ZNF483: variants seen among roughly 807,000 people sequenced by gnomAD.
ZNF483 encodes the protein zinc finger protein 483.
In ZNF483, 9 loss-of-function variants were observed where a neutral mutation model predicts 28.6. The observed-to-expected ratio is 0.32, with a 90% CI of 0.19 to 0.55. The LOEUF (loss-of-function observed/expected upper bound fraction) is 0.55. Ranked by LOEUF, ZNF483 falls within the 20% of genes least tolerant of loss-of-function variation. ZNF483 has a pLI of 0.93. For synonymous variants in ZNF483, 322 were observed against 306.2 expected, an observed-to-expected ratio of 1.05 and a Z score of -0.54; for missense variants, 675 against 871.7, an observed-to-expected ratio of 0.77 and a Z score of 2.84.
intron 1 of ZNF483, among the ~76,000 whole-genome samples, chr9:111,525,999 T>G (rs1827177069): frequency 6.6e-6 from 1 of 152,136 alleles, no homozygotes; most frequent in African/African-American, 2.4e-5. Context: ...CTTTCAGGCC[T>G]GTCCACGCCT....
Position 111,542,074 on chromosome 9 carries a change from G to A in ZNF483, c.1139G>A (p.Arg380His), listed in dbSNP as rs751933932. ...HSSALTEHQK[R>H]QKIHLGDRSQ... ...TCAGCTCTTACTGAACATCAGAAAC[G>A]TCAGAAGATTCATTTGGGGGATAGG... The change falls in exon 6 of 6, where the codon CGT becomes CAT. Residue 380 changes from arginine to histidine, a missense_variant. Around this residue, in one of 6 missense-constraint regions of ZNF483, gnomAD observed 525 missense variants for 581.8 expected, o/e 0.90. Transcript: ENST00000309235. This position sits in a 1 kb window ranked among gnomAD's most constrained non-coding sequence, Gnocchi z 6.2. 6.1e-5 allele frequency: 99 copies of A among 1,613,952 alleles called. No homozygotes were observed. Among genetic ancestry groups the A allele is most frequent in the Non-Finnish European group, 7.5e-5 (88 of 1,180,016 alleles).
intron 5 of ZNF483, among the ~76,000 whole-genome samples, chr9:111,571,644 A>AT (rs1828826185): frequency 6.8e-6 from 1 of 146,568 alleles, no homozygotes; most frequent in South Asian, 2.2e-4. Context: ...CACCTGGCTA[A>AT]TTTTTTTTAG....
downstream of ZNF483, among the ~76,000 whole-genome samples, chr9:111,558,037 C>T (rs185570914): frequency 2.0e-5 from 3 of 152,194 alleles, no homozygotes; most frequent in Non-Finnish European, 4.4e-5. Context: ...GTCCCAGCTA[C>T]TCAGGAGGCT....
At chr9:111,559,549 C>A (rs1828215109), downstream of ZNF483, among the ~76,000 whole-genome samples, 1 of 152,080 alleles carries the variant, frequency 6.6e-6, no homozygotes, top group African/African-American at 2.4e-5. Flanking sequence ...CCACAACACA[C>A]TGCCCAACCC....
At position 111,541,668 on chromosome 9, in the gene ZNF483, T is replaced by C. The variant is rs1827672706; in HGVS notation, c.733T>C (p.Leu245=). The change falls in exon 6 of 6, where the codon TTA becomes CTA. Residue 245 remains leucine, a synonymous_variant. Transcript: ENST00000309235. ...SKSSRLDESA[L]DKIIERCLRD... ...CTTATATCTTTTAGATGAATCAGCT[T>C]TAGATAAAATAATAGAAAGGTGCCT... is the stretch of plus-strand genomic sequence containing the variant. The C allele has an allele frequency of 6.3e-7, 1 of 1,598,816 alleles. No individual in the cohort carries two copies. Among genetic ancestry groups the C allele is most frequent in the Admixed American group, 1.8e-5 (1 of 55,474 alleles).
Position 111,542,313 on chromosome 9 carries a change from A to G in ZNF483, c.1378A>G (p.Ile460Val). 6.2e-7 allele frequency: 1 copy of G among 1,614,220 alleles called. No individual in the cohort carries two copies. Among genetic ancestry groups the G allele is most frequent in the Non-Finnish European group, 8.5e-7 (1 of 1,180,044 alleles). The change falls in exon 6 of 6, where the codon ATT becomes GTT. Residue 460 changes from isoleucine to valine, a missense_variant. Around this residue, in one of 6 missense-constraint regions of ZNF483, gnomAD observed 525 missense variants for 581.8 expected, o/e 0.90. Transcript: ENST00000309235. This position sits in a 1 kb window ranked among gnomAD's most constrained non-coding sequence, Gnocchi z 6.2. ...CGCCTCACTCACCAAACATCGGAGA[A>G]TTCACACTGGAGAAAAACCCTATAT... is the stretch of plus-strand genomic sequence containing the variant. ...YSASLTKHRR[I>V]HTGEKPYMCN... is the part of the protein sequence containing the mutation.
In ZNF483 at chr9:111,540,323, T is replaced by C. The variant is rs183969880; in HGVS notation, c.722-1334T>C. On this transcript the variant is annotated intron_variant, in intron 5 of 5. Coordinates refer to ENST00000309235, the MANE Select transcript of ZNF483 (RefSeq NM_133464.5). ...GCCATTAGTTAACTTCTAGGTAATA[T>C]GATTTTGAGTAATTTTGTATTTTAT... 2.0e-3 allele frequency among the ~76,000 whole-genome samples: 297 copies of C among 152,276 alleles called. 3 individuals carry two copies. The highest frequency in any genetic ancestry group is 5.0e-3 in the East Asian group (26 of 5,186).
chr9:111,550,180 TC>T lies in ZNF483; in HGVS notation c.*7013del, dbSNP rs1471126921. Among the ~76,000 whole-genome samples the T allele has an allele frequency of 6.6e-6, 1 of 152,218 alleles. No homozygotes were observed. The highest frequency in any genetic ancestry group is 2.4e-5 in the African/African-American group (1 of 41,462). Reference sequence around the variant, plus strand: ...CAATTCTTTACAGAGCCTGCGTTTTTCCCTGGGCGGGAGCAATGGCTTTCTG... The same window carrying T: ...CAATTCTTTACAGAGCCTGCGTTTTTCCTGGGCGGGAGCAATGGCTTTCTG... On this transcript the variant is annotated 3_prime_UTR_variant, in exon 6 of 6. Transcript: ENST00000309235.
chr9:111,557,086 G>A (rs186122580), downstream of ZNF483, among the ~76,000 whole-genome samples: 4 of 152,314 alleles, frequency 2.6e-5, no homozygotes, highest in Admixed American at 2.6e-4. Context: ...TTTCCCCATT[G>A]TCTTGGCTAT....
chr9:111,572,149 A>G (rs939063378), intron 5 of ZNF483, among the ~76,000 whole-genome samples: 2 of 152,236 alleles, frequency 1.3e-5, no homozygotes, highest in Non-Finnish European at 2.9e-5. Context: ...GATTACTTTG[A>G]GGAAAGTAAC....
chr9:111,544,781 A>G lies in ZNF483; in HGVS notation c.*1611A>G, dbSNP rs1827766883. Among the ~76,000 whole-genome samples the G allele has an allele frequency of 6.6e-6, 1 of 152,176 alleles. No homozygotes were observed. Among genetic ancestry groups the G allele is most frequent in the Non-Finnish European group, 1.5e-5 (1 of 68,026 alleles). ...TGGTGGATTATTCCTTATAAATTTCATTGGTGGAGTCTGAATAATAATTTC... is the reference window on the plus strand; with the variant it reads ...TGGTGGATTATTCCTTATAAATTTCGTTGGTGGAGTCTGAATAATAATTTC... On this transcript the variant is annotated 3_prime_UTR_variant, in exon 6 of 6. Transcript: ENST00000309235.
intron 5 of ZNF483, among the ~76,000 whole-genome samples, chr9:111,566,200 G>T (rs1828554826): frequency 6.6e-6 from 1 of 151,164 alleles, no homozygotes; most frequent in Non-Finnish European, 1.5e-5. Flanking sequence ...GAGCCTCCAT[G>T]TCAAAAATAA....
At chr9:111,569,543 T>A (rs1251018100) in intron 5 of ZNF483, among the ~76,000 whole-genome samples, 2 of 152,130 alleles carry the variant, frequency 1.3e-5, no homozygotes, top group Non-Finnish European at 2.9e-5. Flanking sequence ...TTTGGGAGAC[T>A]GAGGCGGGCG....
intron 2 of ZNF483, among the ~76,000 whole-genome samples, chr9:111,529,076 G>A (rs972395792): frequency 3.3e-5 from 5 of 151,744 alleles, no homozygotes; most frequent in Admixed American, 6.6e-5. Flanking sequence ...CCGGGGAGGT[G>A]GAGTGAGCCA....
intron 3 of ZNF483, 69 bp downstream of exon 3, chr9:111,531,032 G>T (rs1222835135): frequency 1.5e-5 from 11 of 730,614 alleles, no homozygotes; most frequent in Non-Finnish European, 2.1e-5. Flanking sequence ...GTGGTATAAA[G>T]ATATAAAAAT....
At position 111,552,966 on chromosome 9, in the gene ZNF483, G is replaced by A. The variant is rs1828014018; in HGVS notation, c.*9796G>A. On this transcript the variant is annotated 3_prime_UTR_variant, in exon 6 of 6. Transcript: ENST00000309235. The stretch of plus-strand genomic sequence containing the variant: ...TAATTTCTTCATCTCTCCATCTAAG[G>A]TTCTTTGTAGATGCATGTGTAAGAA... Among the ~76,000 whole-genome samples the A allele has an allele frequency of 6.6e-6, 1 of 152,018 alleles. No homozygotes were observed. The highest frequency in any genetic ancestry group is 2.4e-5 in the African/African-American group (1 of 41,398).
rs746739080 is a variant in ZNF483, at chr9:111,527,347, G to A, written c.-49G>A. 4 of 1,584,228 alleles carry A rather than the reference G, an allele frequency of 2.5e-6. No homozygotes were observed. The South Asian group carries it at 4.6e-5, about 18-fold the overall frequency. The stretch of plus-strand genomic sequence containing the variant: ...ATAGTGCCTGTTGGTGGACTGTACT[G>A]ATACTCAACTAGAGTGTGAAGGGAC... On this transcript the variant is annotated 5_prime_UTR_variant, in exon 2 of 6. Transcript: ENST00000309235.
At position 111,551,129 on chromosome 9, in the gene ZNF483, A is replaced by T. The variant is rs1399381159; in HGVS notation, c.*7959A>T. Among the ~76,000 whole-genome samples the T allele has an allele frequency of 3.9e-5, 6 of 152,308 alleles. 1 individual carries two copies. Among genetic ancestry groups the T allele is most frequent in the Admixed American group, 2.6e-4 (4 of 15,294 alleles). On this transcript the variant is annotated 3_prime_UTR_variant, in exon 6 of 6. Transcript: ENST00000309235. ...ATAAAACAGGTAAAATTAAAAATGT[A>T]TTTTACTTCACCCAATATATCCATA...
intron 5 of ZNF483, chr9:111,574,406 G>A (rs555480020): frequency 8.4e-4 from 135 of 161,524 alleles, no homozygotes; most frequent in South Asian, 6.7e-3. Context: ...CTGGAGTGCA[G>A]TGGCAGGAAC....
Sources: gnomAD v4.1 joint callset for allele counts (sites outside exome capture counted in the v4.1 genomes callset) on GRCh38, gnomAD v4.1.1 for gene constraint, gnomAD v4.1.1 regional missense constraint, Gnocchi (gnomAD v3.1) non-coding constraint, MANE v1.5 for transcripts, NCBI Gene and HGNC (gene_info 2026-07-23, HGNC 2026-07-21) for gene names.